DOCK7: variants seen among roughly 807,000 people sequenced by gnomAD.
DOCK7 encodes the protein dedicator of cytokinesis protein 7.
In DOCK7, 138 loss-of-function variants were observed where a neutral mutation model predicts 271.0. The ratio of observed to expected loss-of-function variants is 0.51; its 90% confidence interval spans 0.44 to 0.59. The LOEUF (loss-of-function observed/expected upper bound fraction) is 0.59, where lower values mean the gene tolerates loss of function less well. Ranked by LOEUF, DOCK7 falls within the 20% of genes least tolerant of loss-of-function variation. The pLI is 0.00. For synonymous variants in DOCK7, 823 were observed against 876.1 expected (o/e 0.94, Z 1.07); for missense variants, 2,066 against 2,592.4 (o/e 0.80, Z 4.41).
At chr1:62,634,518 T>C (rs1655016982) in intron 9 of DOCK7, 1 of 257,696 alleles carries the variant, frequency 3.9e-6, no homozygotes, top group Admixed American at 5.4e-5. Flanking sequence ...AAAATGTATT[T>C]ATAAACTACA....
intron 43 of DOCK7, among the ~76,000 whole-genome samples, chr1:62,480,124 T>C (rs1294427208): frequency 6.6e-6 from 1 of 152,230 alleles, no homozygotes; most frequent in Admixed American, 6.5e-5. Context: ...GTTTTCAATC[T>C]TCATATGACA....
chr1:62,568,393 T>G (rs1646598560), intron 18 of DOCK7, among the ~76,000 whole-genome samples: 1 of 150,980 alleles, frequency 6.6e-6, no homozygotes, highest in South Asian at 2.1e-4. Flanking sequence ...CTCTGCCTCC[T>G]AGGTTCAAGT....
At chr1:62,573,317 G>A (rs1337225223) in intron 18 of DOCK7, among the ~76,000 whole-genome samples, 1 of 152,224 alleles carries the variant, frequency 6.6e-6, no homozygotes, top group Admixed American at 6.5e-5. Flanking sequence ...TGATGCTGGA[G>A]AAGTGGAAAA....
chr1:62,554,879 TAAGTA>T (rs1277619181), intron 21 of DOCK7, among the ~76,000 whole-genome samples: 1 of 152,212 alleles, frequency 6.6e-6, no homozygotes, highest in Non-Finnish European at 1.5e-5. Context: ...TTTTTGCAAT[TAAGTA>T]AAGAAATAAA....
Position 62,496,322 on chromosome 1 carries a change from A to G in DOCK7, c.4923+17T>C, listed in dbSNP as rs1262360979. 1 of 1,610,364 alleles carries G rather than the reference A, an allele frequency of 6.2e-7. No homozygotes were observed. Reference sequence around the variant, plus strand: ...AAGCCTATTTCAATTAATGATCTAGAAAGCAGCATTTCTGACCTGATCAGG... The same window carrying G: ...AAGCCTATTTCAATTAATGATCTAGGAAGCAGCATTTCTGACCTGATCAGG... On this transcript the variant is annotated intron_variant, in intron 38 of 49. Coordinates refer to ENST00000635253, the MANE Select transcript of DOCK7 (RefSeq NM_001367561.1).
At chr1:62,596,356 A>T (rs1178350485) in intron 14 of DOCK7, among the ~76,000 whole-genome samples, 2 of 152,176 alleles carry the variant, frequency 1.3e-5, no homozygotes, top group African/African-American at 4.8e-5. Context: ...CAATTTCACC[A>T]TATTAATATG....
intron 19 of DOCK7, among the ~76,000 whole-genome samples, chr1:62,561,156 C>G (rs1646309784): frequency 6.6e-6 from 1 of 152,066 alleles, no homozygotes; most frequent in South Asian, 2.1e-4. Flanking sequence ...AACTCCAATT[C>G]ATAAGTCAAA....
intron 31 of DOCK7, among the ~76,000 whole-genome samples, chr1:62,514,839 G>A (rs1291217641): frequency 1.3e-5 from 2 of 151,956 alleles, no homozygotes; most frequent in Non-Finnish European, 2.9e-5. Flanking sequence ...GTAAAGCTAG[G>A]ATTTTAGTCT....
chr1:62,514,130 C>T (rs962605057), intron 31 of DOCK7, among the ~76,000 whole-genome samples: 2 of 152,076 alleles, frequency 1.3e-5, no homozygotes, highest in African/African-American at 4.8e-5. Flanking sequence ...TTTTAATCTA[C>T]TGCATGACTG....
chr1:62,459,467 C>G (rs567762750), intron 48 of DOCK7, among the ~76,000 whole-genome samples: 1 of 152,172 alleles, frequency 6.6e-6, no homozygotes, highest in East Asian at 1.9e-4. Context: ...TCTTGAACTT[C>G]TGGCCTCAAG....
chr1:62,455,108 A>G lies in DOCK7; in HGVS notation c.*306T>C, dbSNP rs1045423646. ...GAATCTATAAATGGTAATATAAATT[A>G]AAAAATACGAACTTAAAGTGAATAA... On this transcript the variant is annotated 3_prime_UTR_variant, in exon 50 of 50. Transcript: ENST00000635253. 5.8e-6 allele frequency: 3 copies of G among 513,624 alleles called. No homozygotes were observed. Among genetic ancestry groups the G allele is most frequent in the Non-Finnish European group, 1.0e-5 (3 of 293,514 alleles). The allele number at this position is 513,624 out of a possible 1,614,324, so 31.8% of individuals were successfully genotyped here. A position where few individuals can be genotyped will look rare whatever the true frequency, so the allele number is the denominator to read the frequency against.
chr1:62,681,230 T>C (rs1414985301), intron 1 of DOCK7, among the ~76,000 whole-genome samples: 1 of 151,930 alleles, frequency 6.6e-6, no homozygotes, highest in Non-Finnish European at 1.5e-5. Context: ...TTCATGTCCT[T>C]TGTAGGGACA....
chr1:62,501,062 G>T (rs1646768886), intron 37 of DOCK7, among the ~76,000 whole-genome samples: 1 of 151,934 alleles, frequency 6.6e-6, no homozygotes, highest in East Asian at 1.9e-4. Flanking sequence ...GGGTGAGTGG[G>T]GTGGGCAGGG....
At chr1:62,577,425 G>C in intron 17 of DOCK7, 62 bp from the exon 18 acceptor site, 1 of 1,301,844 alleles carries the variant, frequency 7.7e-7, no homozygotes. Context: ...TAATTACTTA[G>C]CATGTTTTAA....
chr1:62,666,708 C>A (rs1354215671), intron 1 of DOCK7, among the ~76,000 whole-genome samples: 2 of 152,122 alleles, frequency 1.3e-5, no homozygotes, highest in African/African-American at 4.8e-5. Flanking sequence ...GTTACTTTTT[C>A]CAATCAGATT....
chr1:62,551,617 T>C (rs775979808), intron 22 of DOCK7, among the ~76,000 whole-genome samples: 10 of 152,020 alleles, frequency 6.6e-5, no homozygotes, highest in Non-Finnish European at 1.3e-4. Context: ...AATTTTGAGA[T>C]AAAATTATAT....
Position 62,489,013 on chromosome 1 carries a change from T to C in DOCK7, c.5414A>G (p.His1805Arg), listed in dbSNP as rs760101310. Residue 1805 changes from histidine (H) to arginine (R), a missense_variant, in exon 42 of 50, where the codon CAT (histidine) becomes CGT (arginine). This residue lies in a region of DOCK7 where 652 missense variants were observed against 922.1 expected (regional missense o/e 0.71). Coordinates refer to ENST00000635253, the MANE Select transcript of DOCK7 (RefSeq NM_001367561.1). ...NEVYKVLIPI[H>R]EANRDAKKLS... Reference sequence around the variant, plus strand: ...TTTCTTTGCATCCCGATTAGCTTCATGAATAGGAATAAGTACTTTGTAAAC... The same window carrying C: ...TTTCTTTGCATCCCGATTAGCTTCACGAATAGGAATAAGTACTTTGTAAAC... The C allele has an allele frequency of 6.2e-7, 1 of 1,613,156 alleles. No homozygotes were observed. The highest frequency in any genetic ancestry group is 8.5e-7 in the Non-Finnish European group (1 of 1,179,408).
chr1:62,514,988 C>T (rs778001661), intron 31 of DOCK7, among the ~76,000 whole-genome samples: 24 of 152,104 alleles, frequency 1.6e-4, no homozygotes, highest in Non-Finnish European at 2.9e-4. Flanking sequence ...TGAACATACA[C>T]AACTGTTGAA....
At chr1:62,651,496 A>T (rs2149687829) in intron 4 of DOCK7, among the ~76,000 whole-genome samples, 1 of 134,170 alleles carries the variant, frequency 7.5e-6, no homozygotes, top group Non-Finnish European at 1.6e-5. Flanking sequence ...CATGGCTCGC[A>T]GACCTCTGTA....
Sources: allele counts gnomAD v4.1 joint callset (sites outside exome capture counted in the v4.1 genomes callset), GRCh38; gene constraint gnomAD v4.1.1; regional missense constraint gnomAD v4.1.1; transcripts MANE v1.5; gene names NCBI Gene and HGNC (gene_info 2026-07-23, HGNC 2026-07-21).